The following MERTK variants were observed in gnomAD, a reference collection of about 807,000 sequenced individuals.
MERTK encodes the protein MER proto-oncogene, tyrosine kinase, also known as tyrosine-protein kinase Mer.
Under a neutral mutation model 99.3 loss-of-function variants are expected in MERTK, and 69 were observed. That is an observed-to-expected ratio of 0.70 (90% confidence interval 0.57 to 0.85). MERTK has a LOEUF of 0.85. MERTK is among the 40% of genes least tolerant of loss of function. The probability of loss-of-function intolerance (pLI) is 0.00; values close to 1 mark genes in which losing one functional copy is unlikely to be tolerated. For missense variants in MERTK, 1,125 were observed against 1,249.4 expected, an observed-to-expected ratio of 0.90 and a Z score of 1.50; for synonymous variants, 426 against 467.6, an observed-to-expected ratio of 0.91 and a Z score of 1.15.
intron 1 of MERTK, among the ~76,000 whole-genome samples, chr2:111,900,779 G>T (rs1469730436): frequency 6.6e-6 from 1 of 152,220 alleles, no homozygotes; most frequent in Non-Finnish European, 1.5e-5. Flanking sequence ...AAAGCTTAAA[G>T]AATGGGATTC....
chr2:111,996,887 C>G (rs1476225865), intron 9 of MERTK: 1 of 244,008 alleles, frequency 4.1e-6, no homozygotes. Flanking sequence ...ACTATTTAAC[C>G]TACTCTCGAT....
intron 1 of MERTK, among the ~76,000 whole-genome samples, chr2:111,901,695 A>G (rs1035348163): frequency 4.7e-5 from 7 of 150,536 alleles, no homozygotes; most frequent in Admixed American, 1.3e-4. Context: ...AGCTATGACC[A>G]CAGGCACATA....
At chr2:111,985,765 G>A (rs11681063) in intron 8 of MERTK, among the ~76,000 whole-genome samples, 41,632 of 151,768 alleles carry the variant, frequency 0.27, 5,793 homozygotes, top group Middle Eastern at 0.38. Flanking sequence ...GGAAAACCCC[G>A]CCCCCATGAC....
chr2:111,986,895 A>G (rs1676488615), intron 8 of MERTK, among the ~76,000 whole-genome samples: 1 of 152,198 alleles, frequency 6.6e-6, no homozygotes, highest in Non-Finnish European at 1.5e-5. Context: ...TTTCAAGCTT[A>G]TGATCCAAAA....
At chr2:111,941,152 A>G in intron 2 of MERTK, 1 of 335,486 alleles carries the variant, frequency 3.0e-6, no homozygotes, top group South Asian at 3.1e-5. Context: ...TCCTACCTTC[A>G]CCTTGAGGTA....
At chr2:111,950,795 A>G (rs567865671) in intron 4 of MERTK, among the ~76,000 whole-genome samples, 5 of 152,310 alleles carry the variant, frequency 3.3e-5, no homozygotes, top group African/African-American at 1.2e-4. Flanking sequence ...GACAATGTTT[A>G]CACAAAAATA....
At chr2:111,959,444 A>G (rs1025714072) in intron 4 of MERTK, among the ~76,000 whole-genome samples, 2 of 151,554 alleles carry the variant, frequency 1.3e-5, no homozygotes, top group Admixed American at 6.6e-5. Flanking sequence ...TTTGGTCTCA[A>G]GATCCTTCGT....
chr2:112,003,806 C>G, intron 12 of MERTK, 98 bp from the exon 13 acceptor site: 1 of 1,142,642 alleles, frequency 8.8e-7, no homozygotes, highest in Non-Finnish European at 1.3e-6. Flanking sequence ...GTGAGTTGCT[C>G]TCATACCACA....
intron 5 of MERTK, among the ~76,000 whole-genome samples, 178 bp downstream of exon 5, chr2:111,965,455 G>A (rs1341266420): frequency 6.6e-6 from 1 of 152,192 alleles, no homozygotes; most frequent in African/African-American, 2.4e-5. Context: ...GAAAAGTGGA[G>A]ATAATTACAG....
chr2:111,929,280 T>A lies in MERTK; in HGVS notation c.222T>A (p.His74Gln). 6.2e-7 allele frequency: 1 copy of A among 1,614,216 alleles called. No homozygotes were observed. The highest frequency in any genetic ancestry group is 8.5e-7 in the Non-Finnish European group (1 of 1,180,050). ...MFSPTQPGRP[H>Q]TGNVAIPQVT... ...CACCAACCCAGCCTGGAAGACCACA[T>A]ACAGGAAACGTAGCCATTCCCCAGG... is the stretch of plus-strand genomic sequence containing the variant. Residue 74 changes from histidine (H) to glutamine (Q), a missense_variant, in exon 2 of 19, where the codon CAT becomes CAA. Physicochemically the swap from His to Gln is conservative, Grantham distance 24 (BLOSUM62 0). Transcript: ENST00000295408.
At chr2:111,978,197 T>C (rs1676294520) in intron 7 of MERTK, among the ~76,000 whole-genome samples, 1 of 151,682 alleles carries the variant, frequency 6.6e-6, no homozygotes, top group South Asian at 2.1e-4. Flanking sequence ...TTGCCCAGGC[T>C]GGAGTGCAAT....
chr2:111,994,501 G>T (rs1411117498), intron 9 of MERTK, 97 bp downstream of exon 9: 2 of 1,533,930 alleles, frequency 1.3e-6, no homozygotes, highest in South Asian at 1.1e-5. Context: ...GCTGATTAAA[G>T]AATGAAAAAT....
At chr2:111,925,275 G>GATAGATATATATATATATAT (rs1684534577) in intron 1 of MERTK, among the ~76,000 whole-genome samples, 2 of 52,186 alleles carry the variant, frequency 3.8e-5, no homozygotes, top group East Asian at 5.3e-4. Context: ...GTACAGATCA[G>GATAGATATATATATATATAT]ATATATATAT....
At chr2:111,911,726 G>C (rs1000720184) in intron 1 of MERTK, among the ~76,000 whole-genome samples, 20 of 104,446 alleles carry the variant, frequency 1.9e-4, no homozygotes, top group Admixed American at 5.9e-4. Flanking sequence ...TGAGTTGGCT[G>C]TTGCCCAGGC....
intron 5 of MERTK, among the ~76,000 whole-genome samples, chr2:111,966,065 T>G (rs1261284745): frequency 6.6e-6 from 1 of 152,260 alleles, no homozygotes; most frequent in Non-Finnish European, 1.5e-5. Context: ...TTATTTCATT[T>G]TAAATCATCC....
At chr2:111,930,927 TG>T (rs1406385061) in intron 2 of MERTK, among the ~76,000 whole-genome samples, 1 of 152,176 alleles carries the variant, frequency 6.6e-6, no homozygotes, top group East Asian at 1.9e-4. Context: ...GTTTTAGAAT[TG>T]GGTTGGCCTG....
chr2:111,907,667 G>C (rs891294020), intron 1 of MERTK, among the ~76,000 whole-genome samples: 5 of 142,028 alleles, frequency 3.5e-5, no homozygotes, highest in Non-Finnish European at 7.8e-5. Flanking sequence ...TATCCCCCCT[G>C]AGGGGGAACA....
rs775891300 is a variant in MERTK, at chr2:112,028,878, G to A, written c.*14G>A. ...GTCCTGATGTGAGGAGAGGTGCGGG[G>A]AGACATTCCAAAAATCAAGCCAATT... On this transcript the variant is annotated 3_prime_UTR_variant, in exon 19 of 19. Transcript: ENST00000295408. 3.7e-6 allele frequency: 6 copies of A among 1,613,480 alleles called. No homozygotes were observed. The highest frequency in any genetic ancestry group is 5.1e-6 in the Non-Finnish European group (6 of 1,180,016).
Position 112,010,044 on chromosome 2 carries a change from C to T in MERTK, c.2057C>T (p.Ser686Phe). The T allele has an allele frequency of 1.9e-6, 3 of 1,612,130 alleles. No homozygotes were observed. Among genetic ancestry groups the T allele is most frequent in the Non-Finnish European group, 2.5e-6 (3 of 1,178,278 alleles). ...YGDLHTYLLY[S>F]RLETGPKHIP... ...GACCTGCATACTTACTTACTTTATT[C>T]CCGATTGGAGACAGGACCAAAGGTA... The change falls in exon 15 of 19, where the codon TCC becomes TTC. Residue 686 changes from serine to phenylalanine, a missense_variant. By Grantham distance (155) the Ser-to-Phe change is radical (BLOSUM62 -2). Transcript: ENST00000295408.
Sources: allele counts gnomAD v4.1 joint callset (sites outside exome capture counted in the v4.1 genomes callset), GRCh38; gene constraint gnomAD v4.1.1; transcripts MANE v1.5; gene names NCBI Gene and HGNC (gene_info 2026-07-23, HGNC 2026-07-21).